FILIP1L: variants seen among roughly 807,000 people sequenced by gnomAD.
FILIP1L encodes the protein filamin A-interacting protein 1-like.
A neutral mutation model predicts 96.6 loss-of-function variants in FILIP1L; 55 were observed. The ratio of observed to expected loss-of-function variants is 0.57; its 90% CI spans 0.46 to 0.71. The LOEUF is 0.71. Among genes scored for constraint, FILIP1L ranks in the 30% least tolerant of loss-of-function variants. FILIP1L has a pLI of 0.00. For synonymous variants in FILIP1L, 467 were observed against 473.9 expected (o/e 0.99, Z 0.19); for missense variants, 1,304 against 1,321.2 (o/e 0.99, Z 0.20).
chr3:99,984,048 A>ATGTGTGTGTGTGTGTGTGTG (rs367846393), intron 1 of FILIP1L, among the ~76,000 whole-genome samples: 24,410 of 147,356 alleles, frequency 0.17, 2,106 homozygotes, highest in African/African-American at 0.19. Context: ...AAGGATGTAT[A>ATGTGTGTGTGTGTGTGTGTG]TGTATGTGTG....
At chr3:99,863,996 CA>C (rs1944386411) in intron 4 of FILIP1L, among the ~76,000 whole-genome samples, 1 of 152,176 alleles carries the variant, frequency 6.6e-6, no homozygotes, top group South Asian at 2.1e-4. Flanking sequence ...TAAAAATAAA[CA>C]TGGTTGCTAA....
intron 1 of FILIP1L, among the ~76,000 whole-genome samples, chr3:100,098,452 A>G (rs1482244475): frequency 2.6e-5 from 4 of 152,230 alleles, no homozygotes. Flanking sequence ...TTGAAATTAA[A>G]TAAGTTAGTG....
intron 4 of FILIP1L, among the ~76,000 whole-genome samples, chr3:99,904,569 C>G (rs935517079): frequency 6.6e-6 from 1 of 152,172 alleles, no homozygotes; most frequent in South Asian, 2.1e-4. Context: ...TTATTTCAAA[C>G]ATAGTAAGCC....
chr3:100,002,342 T>A (rs1219608892), intron 1 of FILIP1L, among the ~76,000 whole-genome samples: 2 of 152,192 alleles, frequency 1.3e-5, no homozygotes, highest in Non-Finnish European at 2.9e-5. Context: ...AGAAGATAGG[T>A]CTTAATACAT....
In FILIP1L at chr3:100,081,958, G is replaced by A. The variant is rs149427886; in HGVS notation, c.-11+32095C>T. Among the ~76,000 whole-genome samples, 1,102 of 152,196 alleles carry A rather than the reference G, an allele frequency of 7.2e-3. 4 individuals carry two copies. Among genetic ancestry groups the A allele is most frequent in the African/African-American group, 0.01 (422 of 41,502 alleles). On this transcript the variant is annotated intron_variant, in intron 1 of 5. Transcript: ENST00000477258. ...TCCCAAGATAACATTGCCTTCAATT[G>A]CTGTTTTAGAGTAGGAGGTATGGCA... is the stretch of plus-strand genomic sequence containing the variant.
At chr3:99,879,863 G>T (rs1404642934) in intron 4 of FILIP1L, among the ~76,000 whole-genome samples, 1 of 152,142 alleles carries the variant, frequency 6.6e-6, no homozygotes, top group Non-Finnish European at 1.5e-5. Flanking sequence ...GAACAGAGTG[G>T]GAACAGACCC....
rs1265824558 is a variant in FILIP1L, at chr3:99,996,514, C to CA, written c.-10-65485dup. Among the ~76,000 whole-genome samples, 4 of 152,176 alleles carry CA rather than the reference C, an allele frequency of 2.6e-5. No homozygotes were observed. The East Asian group carries it at 5.8e-4, about 22-fold the overall frequency. ...ACTTCCACATTTTCGGGTATCTTTTCAGCAATGCCCCACTCCACCAGTACC... is the reference window on the plus strand; with the variant it reads ...ACTTCCACATTTTCGGGTATCTTTTCAAGCAATGCCCCACTCCACCAGTACC... On this transcript the variant is annotated intron_variant, in intron 1 of 5. Coordinates refer to ENST00000477258, the MANE Select transcript of FILIP1L (RefSeq NM_001387850.1).
intron 4 of FILIP1L, among the ~76,000 whole-genome samples, chr3:99,899,653 C>G (rs1358422195): frequency 6.6e-6 from 1 of 152,104 alleles, no homozygotes; most frequent in Non-Finnish European, 1.5e-5. Flanking sequence ...TACACTGTTC[C>G]TGAAATTGTT....
In FILIP1L at chr3:99,850,078, G is replaced by A; in HGVS notation, c.1598C>T (p.Thr533Ile). Reference sequence around the variant, plus strand: ...CTCAATTAACTTCTCAGTAACTGTTGTTACTTTATTTTGCTCCACTTGAAG... The same window carrying A: ...CTCAATTAACTTCTCAGTAACTGTTATTACTTTATTTTGCTCCACTTGAAG... ...SQLQVEQNKV[T>I]TVTEKLIEET... is the part of the protein sequence containing the mutation. The change falls in exon 5 of 6, where the codon ACA becomes ATA. Residue 533 changes from threonine (T) to isoleucine (I), a missense_variant. Transcript: ENST00000477258. 6.2e-7 allele frequency: 1 copy of A among 1,612,784 alleles called. No homozygotes were observed. The highest frequency in any genetic ancestry group is 1.1e-5 in the South Asian group (1 of 90,566).
At chr3:99,839,898 C>G (rs1943055145) in intron 5 of FILIP1L, among the ~76,000 whole-genome samples, 1 of 152,066 alleles carries the variant, frequency 6.6e-6, no homozygotes, top group East Asian at 1.9e-4. Context: ...CAGATTTTTC[C>G]CACAGTGTTA....
At chr3:99,854,594 T>C (rs1442176605) in intron 4 of FILIP1L, among the ~76,000 whole-genome samples, 1 of 152,200 alleles carries the variant, frequency 6.6e-6, no homozygotes, top group Non-Finnish European at 1.5e-5. Context: ...AATTTGTTCA[T>C]TGTGGAGATC....
In FILIP1L at chr3:99,997,194, G is replaced by T. The variant is rs547971004; in HGVS notation, c.-10-66164C>A. ...AAATGAAAAGTTGGTTCTTTGAAAG[G>T]ATAAACAAAATGGATAAACTGCTTG... is the stretch of plus-strand genomic sequence containing the variant. On this transcript the variant is annotated intron_variant, in intron 1 of 5. Transcript: ENST00000477258. Among the ~76,000 whole-genome samples the T allele has an allele frequency of 2.0e-5, 3 of 152,210 alleles. No homozygotes were observed. The South Asian group carries it at 6.2e-4, about 32-fold the overall frequency.
Position 99,849,518 on chromosome 3 carries a change from C to A in FILIP1L, c.2158G>T (p.Asp720Tyr), listed in dbSNP as rs748343292. 1 of 1,613,332 alleles carries A rather than the reference C, an allele frequency of 6.2e-7. No individual in the cohort carries two copies. The highest frequency in any genetic ancestry group is 1.7e-5 in the Admixed American group (1 of 59,850). The change falls in exon 5 of 6, where the codon GAT (aspartate) becomes TAT (tyrosine). Residue 720 changes from aspartate (D) to tyrosine (Y), a missense_variant. Transcript: ENST00000477258. Reference sequence around the variant, plus strand: ...TCATGAATTTTCTCTTTTAATGCATCCACTTCTCTTGAGAGGTGCCCTGAC... The same window carrying A: ...TCATGAATTTTCTCTTTTAATGCATACACTTCTCTTGAGAGGTGCCCTGAC... ...AKSGHLSREV[D>Y]ALKEKIHEYM...
intron 4 of FILIP1L, among the ~76,000 whole-genome samples, chr3:99,871,213 C>T (rs982402627): frequency 3.3e-5 from 5 of 152,164 alleles, no homozygotes; most frequent in Admixed American, 2.0e-4. Context: ...AAGTCACTTC[C>T]ATATGGTTGC....
chr3:99,865,627 T>C (rs1944475068), intron 4 of FILIP1L, among the ~76,000 whole-genome samples: 1 of 152,162 alleles, frequency 6.6e-6, no homozygotes, highest in Non-Finnish European at 1.5e-5. Flanking sequence ...TAACATCTCA[T>C]GTTCCCCAGA....
chr3:100,014,741 C>A (rs1041669573), intron 1 of FILIP1L, among the ~76,000 whole-genome samples: 1 of 148,382 alleles, frequency 6.7e-6, no homozygotes, highest in Non-Finnish European at 1.5e-5. Context: ...GGATATTAAC[C>A]CTTTATCAGA....
At chr3:99,915,253 T>G (rs1279515291) in intron 4 of FILIP1L, among the ~76,000 whole-genome samples, 1 of 152,234 alleles carries the variant, frequency 6.6e-6, no homozygotes, top group Non-Finnish European at 1.5e-5. Context: ...AATAATAGAT[T>G]AAAATGTAGC....
At chr3:99,866,802 C>T (rs1048732046) in intron 4 of FILIP1L, among the ~76,000 whole-genome samples, 4 of 152,104 alleles carry the variant, frequency 2.6e-5, no homozygotes, top group Non-Finnish European at 4.4e-5. Flanking sequence ...GGGCCATATG[C>T]CATCTCTAAT....
intron 4 of FILIP1L, among the ~76,000 whole-genome samples, chr3:99,895,478 T>G (rs1706221842): frequency 6.6e-6 from 1 of 152,054 alleles, no homozygotes; most frequent in Admixed American, 6.6e-5. Flanking sequence ...GGGCAAGAGC[T>G]TATTTTTTGG....
Sources: allele counts gnomAD v4.1 joint callset (sites outside exome capture counted in the v4.1 genomes callset), GRCh38; gene constraint gnomAD v4.1.1; transcripts MANE v1.5; gene names NCBI Gene and HGNC (gene_info 2026-07-23, HGNC 2026-07-21).